Variants in METTL23 observed in about 807,000 individuals in gnomAD.
METTL23 encodes methyltransferase 23, arginine, also known as histone-arginine methyltransferase METTL23.
METTL23 carries 24 observed loss-of-function variants against 21.2 expected under a neutral mutation model. The ratio of observed to expected loss-of-function variants is 1.13; its 90% CI spans 0.82 to 1.59. METTL23 has a LOEUF of 1.59. Among genes scored for constraint, METTL23 ranks in the 40% most tolerant of loss-of-function variants. METTL23 has a pLI of 0.00. For missense variants in METTL23, 276 were observed against 221.4 expected (o/e 1.25, Z -1.57); for synonymous variants, 97 against 75.2 (o/e 1.29, Z -1.50).
intron 1 of METTL23, among the ~76,000 whole-genome samples, chr17:76,727,956 G>A (rs1436077906): frequency 6.6e-6 from 1 of 152,202 alleles, no homozygotes; most frequent in African/African-American, 2.4e-5. Flanking sequence ...CAGCCTGTGA[G>A]GCATGTCCCA....
upstream of METTL23, among the ~76,000 whole-genome samples, chr17:76,726,153 G>A (rs1260431202): frequency 2.0e-5 from 3 of 152,238 alleles, no homozygotes; most frequent in Non-Finnish European, 4.4e-5. Context: ...AGAGCAGACG[G>A]GCGGCCACAG....
chr17:76,726,436 G>A, upstream of METTL23: 1 of 1,603,576 alleles, frequency 6.2e-7, no homozygotes, highest in Non-Finnish European at 8.5e-7. Context: ...CGCGCACTCC[G>A]CTTGGCCTCG....
intron 2 of METTL23, chr17:76,732,510 T>G (rs1200493568): frequency 6.0e-6 from 1 of 167,794 alleles, no homozygotes; most frequent in African/African-American, 2.4e-5. Context: ...AAAAAAAAAT[T>G]AGCTGGGCTT....
Position 76,733,574 on chromosome 17 carries a change from A to G in METTL23, c.461A>G (p.His154Arg). 1 of 1,613,980 alleles carries G rather than the reference A, an allele frequency of 6.2e-7. No individual in the cohort carries two copies. The highest frequency in any genetic ancestry group is 8.5e-7 in the Non-Finnish European group (1 of 1,179,870). ...TACAAATGGGATATGAAATGTGTCC[A>G]CATTCCTCTTGAGTCTTTTGATGCA... ...LLYKWDMKCVHIPLESFDADK... is the reference protein window; with the variant it reads ...LLYKWDMKCVRIPLESFDADK... The change falls in exon 5 of 5, where the codon CAC becomes CGC. Residue 154 changes from histidine (H) to arginine (R), a missense_variant. Coordinates refer to ENST00000341249, the MANE Select transcript of METTL23 (RefSeq NM_001080510.5).
At chr17:76,730,559 C>T (rs1293371546) in intron 2 of METTL23, among the ~76,000 whole-genome samples, 1 of 152,246 alleles carries the variant, frequency 6.6e-6, no homozygotes, top group Non-Finnish European at 1.5e-5. Flanking sequence ...CCTTCCACGG[C>T]CGTGGCAGTC....
chr17:76,731,039 G>A (rs1397325640), intron 2 of METTL23, among the ~76,000 whole-genome samples: 6 of 151,958 alleles, frequency 3.9e-5, no homozygotes, highest in Admixed American at 6.6e-5. Context: ...CCCGGGAGGC[G>A]GAGCTTGCAG....
At chr17:76,727,644 T>G (rs906345610) in intron 1 of METTL23, among the ~76,000 whole-genome samples, 4 of 152,280 alleles carry the variant, frequency 2.6e-5, no homozygotes, top group Non-Finnish European at 5.9e-5. Flanking sequence ...GTTTCCAGTT[T>G]TATTTGGTGC....
chr17:76,733,100 T>C lies in METTL23; in HGVS notation c.207T>C (p.Asn69=), dbSNP rs1168021730. The part of the protein sequence containing the change: ...LEVCRQSCQM[N]NLPHLQVVGL... ...TCTGTCGGCAAAGCTGCCAAATGAATAACCTGCCACATCTGCAGGTGGTAG... is the reference window on the plus strand; with the variant it reads ...TCTGTCGGCAAAGCTGCCAAATGAACAACCTGCCACATCTGCAGGTGGTAG... Residue 69 remains asparagine (N), a synonymous_variant, in exon 3 of 5, where the codon AAT becomes AAC. Coordinates refer to ENST00000341249, the MANE Select transcript of METTL23 (RefSeq NM_001080510.5). 3.1e-6 allele frequency: 5 copies of C among 1,612,890 alleles called. No individual in the cohort carries two copies. The Admixed American group carries it at 6.7e-5, about 22-fold the overall frequency.
At chr17:76,727,684 T>G (rs1219821566) in intron 1 of METTL23, among the ~76,000 whole-genome samples, 1 of 152,276 alleles carries the variant, frequency 6.6e-6, no homozygotes, top group Non-Finnish European at 1.5e-5. Context: ...GGACCTCGCT[T>G]CTTCCTCTAA....
upstream of METTL23, chr17:76,726,379 C>A (rs767264131): frequency 6.2e-7 from 1 of 1,602,386 alleles, no homozygotes; most frequent in African/African-American, 1.4e-5. Flanking sequence ...GAGAAGCTCT[C>A]GTAGTAGTTG....
At chr17:76,726,528 G>C, upstream of METTL23, 1 of 1,552,854 alleles carries the variant, frequency 6.4e-7, no homozygotes, top group South Asian at 1.2e-5. Context: ...CCCGCTTCCT[G>C]ACACTAACGC....
At chr17:76,732,316 A>C (rs1370297428) in intron 2 of METTL23, among the ~76,000 whole-genome samples, 1 of 152,162 alleles carries the variant, frequency 6.6e-6, no homozygotes, top group African/African-American at 2.4e-5. Context: ...CCTGACCAAC[A>C]GGGAGAAACC....
rs1388185821 is a variant in METTL23, at chr17:76,733,126, G to A, written c.233G>A (p.Gly78Glu). 6.2e-6 allele frequency: 10 copies of A among 1,613,726 alleles called. No individual in the cohort carries two copies. Among genetic ancestry groups the A allele is most frequent in the Middle Eastern group, 1.6e-4 (1 of 6,062 alleles). Residue 78 changes from glycine (G) to glutamate (E), a missense_variant, in exon 3 of 5, where the codon GGA becomes GAA. Physicochemically the swap from Gly to Glu is moderately conservative, Grantham distance 98. Transcript: ENST00000341249. ...MNNLPHLQVV[G>E]LTWGHISWDL... is the part of the protein sequence containing the mutation. ...AACCTGCCACATCTGCAGGTGGTAGGACTAACATGGGGTCATATATCTTGG... is the reference window on the plus strand; with the variant it reads ...AACCTGCCACATCTGCAGGTGGTAGAACTAACATGGGGTCATATATCTTGG...
upstream of METTL23, chr17:76,726,808 C>T (rs746618116): frequency 1.5e-5 from 6 of 392,342 alleles, 1 homozygote; most frequent in South Asian, 1.2e-4. Flanking sequence ...CCGCCCCGCC[C>T]CTCCCCTCCC....
upstream of METTL23, chr17:76,726,351 A>G: frequency 6.3e-7 from 1 of 1,580,398 alleles, no homozygotes; most frequent in South Asian, 1.1e-5. Flanking sequence ...GCTCACCGCC[A>G]CGGCCGCCGG....
Position 76,733,445 on chromosome 17 carries a change from A to C in METTL23, c.407+68A>C, listed in dbSNP as rs932404322. ...TTACTCTACCCTACCCATGCGATACATAATTTAAGAATAGAATACATCTGA... is the reference window on the plus strand; with the variant it reads ...TTACTCTACCCTACCCATGCGATACCTAATTTAAGAATAGAATACATCTGA... On this transcript the variant is annotated intron_variant, in intron 4 of 4. Coordinates refer to ENST00000341249, the MANE Select transcript of METTL23 (RefSeq NM_001080510.5). 7 of 1,598,366 alleles carry C rather than the reference A, an allele frequency of 4.4e-6. No homozygotes were observed. The Admixed American group carries it at 1.2e-4, about 28-fold the overall frequency.
At position 76,732,970 on chromosome 17, in the gene METTL23, C is replaced by T. The variant is rs1568014517; in HGVS notation, c.85-8C>T. ...AATTGTGAAATGCCATCTTTCATAA[C>T]TTATTAGATTGGAGCTGGAGTGAGC... On this transcript the variant is annotated splice_polypyrimidine_tract_variant and splice_region_variant and intron_variant, in intron 2 of 4. Coordinates refer to ENST00000341249, the MANE Select transcript of METTL23 (RefSeq NM_001080510.5). 1.3e-6 allele frequency: 2 copies of T among 1,557,204 alleles called. No individual in the cohort carries two copies. The highest frequency in any genetic ancestry group is 1.2e-5 in the South Asian group (1 of 84,684).
chr17:76,733,350 A>C lies in METTL23; in HGVS notation c.380A>C (p.Gln127Pro). Residue 127 changes from glutamine (Q) to proline (P), a missense_variant, in exon 4 of 5, where the codon CAA becomes CCA. By Grantham distance (76) the Gln-to-Pro change is moderately conservative (BLOSUM62 -1). Coordinates refer to ENST00000341249, the MANE Select transcript of METTL23 (RefSeq NM_001080510.5). The stretch of plus-strand genomic sequence containing the variant: ...TTGATGCACAAGAATCCCAAGGTCC[A>C]ATTGTGGTCTACTTATCAAGTTAGG... ...YFLMHKNPKVQLWSTYQVRSA... is the reference protein window; with the variant it reads ...YFLMHKNPKVPLWSTYQVRSA... 1 of 1,613,964 alleles carries C rather than the reference A, an allele frequency of 6.2e-7. No homozygotes were observed. The highest frequency in any genetic ancestry group is 8.5e-7 in the Non-Finnish European group (1 of 1,179,884).
chr17:76,729,492 A>C (rs1411459835), intron 1 of METTL23, among the ~76,000 whole-genome samples, 198 bp from the exon 2 acceptor site: 2 of 152,324 alleles, frequency 1.3e-5, no homozygotes, highest in Non-Finnish European at 2.9e-5. Flanking sequence ...GTGACACTAG[A>C]AGCACTTGTT....
Sources: gnomAD v4.1 joint callset for allele counts (sites outside exome capture counted in the v4.1 genomes callset) on GRCh38, gnomAD v4.1.1 for gene constraint, MANE v1.5 for transcripts, NCBI Gene and HGNC (gene_info 2026-07-23, HGNC 2026-07-21) for gene names.